OR8D1: variants seen among roughly 807,000 people sequenced by gnomAD.
The protein encoded by OR8D1 is olfactory receptor family 8 subfamily D member 1, also known as olfactory receptor 8D1.
For synonymous variants in OR8D1, 143 were observed against 147.0 expected (o/e 0.97, Z 0.20); for missense variants, 384 against 366.8 (o/e 1.05, Z -0.38).
chr11:124,306,848 G>A lies in OR8D1; in HGVS notation c.*2992C>T, dbSNP rs924837024. 3 of 151,880 alleles carry A rather than the reference G, an allele frequency of 2.0e-5. No homozygotes were observed. The highest frequency in any genetic ancestry group is 7.3e-5 in the African/African-American group (3 of 41,324). The allele number at this position is 151,880 out of a possible 1,614,324, so 9.4% of individuals were successfully genotyped here. A position where few individuals can be genotyped will look rare whatever the true frequency, so the allele number is the denominator to read the frequency against. ...GAACACCTATTACTCTAATACTCCC[G>A]CCTCTGTTTCACACCTTTACTCACT... On this transcript the variant is annotated 3_prime_UTR_variant, in exon 3 of 3. Transcript: ENST00000641015.
intron 2 of OR8D1, 154 bp from the exon 3 acceptor site, chr11:124,310,936 A>AG (rs1421156865): frequency 1.8e-6 from 1 of 555,544 alleles, no homozygotes; most frequent in East Asian, 2.8e-5. Context: ...GTCTCCCTAA[A>AG]GTTCCCTGGG....
Position 124,310,369 on chromosome 11 carries a change from T to A in OR8D1, c.398A>T (p.Asn133Ile). 1.2e-6 allele frequency: 2 copies of A among 1,613,582 alleles called. No homozygotes were observed. The highest frequency in any genetic ancestry group is 1.7e-6 in the Non-Finnish European group (2 of 1,179,874). The change falls in exon 3 of 3, where the codon AAT (asparagine) becomes ATT (isoleucine). Residue 133 changes from asparagine to isoleucine, a missense_variant. Transcript: ENST00000641015. Reference sequence around the variant, plus strand: ...GCAGACCCATGAGGACATGATCGCATTATAAAGCAGTGGGCTACAGATGGC... The same window carrying A: ...GCAGACCCATGAGGACATGATCGCAATATAAAGCAGTGGGCTACAGATGGC... The part of the protein sequence containing the change: ...YVAICSPLLY[N>I]AIMSSWVCSL...
At position 124,310,541 on chromosome 11, in the gene OR8D1, CAG is replaced by C. The variant is rs1171023382; in HGVS notation, c.224_225del (p.Ser75CysfsTer21). On this transcript the variant is annotated frameshift_variant, in exon 3 of 3. Coordinates refer to ENST00000641015, the MANE Select transcript of OR8D1 (RefSeq NM_001002917.2). LOFTEE classifies it low-confidence loss of function (END_TRUNC). ...TTCACCAGCATTTTGGGAGTAATGA[CAG>C]AGGAATAGCAGAAATCGACGAAGGA... is the stretch of plus-strand genomic sequence containing the variant. ...SLSFVDFCYSSVITPKMLVNF... is the reference protein window; with the variant it reads ...SLSFVDFCYSXVITPKMLVNF... 6.2e-7 allele frequency: 1 copy of C among 1,613,624 alleles called. No homozygotes were observed. The highest frequency in any genetic ancestry group is 1.3e-5 in the African/African-American group (1 of 74,870).
chr11:124,309,539 T>C lies in OR8D1; in HGVS notation c.*301A>G, dbSNP rs1862398346. The C allele has an allele frequency of 5.8e-6, 1 of 171,670 alleles. No homozygotes were observed. 10.6% of individuals were successfully genotyped at this position (171,670 alleles called of 1,614,324 possible). A position where few individuals can be genotyped will look rare whatever the true frequency, so the allele number is the denominator to read the frequency against. On this transcript the variant is annotated 3_prime_UTR_variant, in exon 3 of 3. Coordinates refer to ENST00000641015, the MANE Select transcript of OR8D1 (RefSeq NM_001002917.2). Reference sequence around the variant, plus strand: ...TATTCAACAAGCAAACATGGGATATTAGGAAGAGAGGACTAACATTGGAGA... The same window carrying C: ...TATTCAACAAGCAAACATGGGATATCAGGAAGAGAGGACTAACATTGGAGA...
chr11:124,310,341 T>TG lies in OR8D1; in HGVS notation c.425dup (p.Leu143ThrfsTer38), dbSNP rs756025864. 6.2e-7 allele frequency: 1 copy of TG among 1,613,494 alleles called. No individual in the cohort carries two copies. Among genetic ancestry groups the TG allele is most frequent in the African/African-American group, 1.3e-5 (1 of 74,842 alleles). On this transcript the variant is annotated frameshift_variant, in exon 3 of 3. Coordinates refer to ENST00000641015, the MANE Select transcript of OR8D1 (RefSeq NM_001002917.2). LOFTEE classifies it low-confidence loss of function (END_TRUNC). ...AGAAGAAGGCAGCCAGCACTAGCAG[T>TG]GAGCAGACCCATGAGGACATGATCG...
rs1862393331 is a variant in OR8D1 at position 124,309,184 on chromosome 11, A to G, written c.*656T>C. On this transcript the variant is annotated 3_prime_UTR_variant, in exon 3 of 3. Transcript: ENST00000641015. ...CCCTTAGTGTAGAACTGTGGTGTTAAAGTAGATATACAAATACAAAAAAAA... is the reference window on the plus strand; with the variant it reads ...CCCTTAGTGTAGAACTGTGGTGTTAGAGTAGATATACAAATACAAAAAAAA... The G allele has an allele frequency of 6.6e-6, 1 of 151,410 alleles. No individual in the cohort carries two copies. The highest frequency in any genetic ancestry group is 2.1e-4 in the South Asian group (1 of 4,786). 9.4% of individuals were successfully genotyped at this position (151,410 alleles called of 1,614,324 possible).
In OR8D1 at chr11:124,310,691, G is replaced by A; in HGVS notation, c.76C>T (p.Pro26Ser). ...ATTCCCAGGAACAGGAGGAAGAGGGGCAGCTGGAGCTCTGCTTGCTGTGTT... is the reference window on the plus strand; with the variant it reads ...ATTCCCAGGAACAGGAGGAAGAGGGACAGCTGGAGCTCTGCTTGCTGTGTT... ...GLTQQAELQL[P>S]LFLLFLGIYV... The change falls in exon 3 of 3, where the codon CCC becomes TCC. Residue 26 changes from proline (P) to serine (S), a missense_variant. Pro to Ser is a moderately conservative substitution (Grantham distance 74, BLOSUM62 -1). Coordinates refer to ENST00000641015, the MANE Select transcript of OR8D1 (RefSeq NM_001002917.2). The A allele has an allele frequency of 1.9e-6, 3 of 1,613,892 alleles. No homozygotes were observed. Among genetic ancestry groups the A allele is most frequent in the Non-Finnish European group, 1.7e-6 (2 of 1,179,842 alleles).
At chr11:124,312,645 G>A (rs1416243452) in intron 1 of OR8D1, among the ~76,000 whole-genome samples, 1 of 151,122 alleles carries the variant, frequency 6.6e-6, no homozygotes, top group Non-Finnish European at 1.5e-5. Context: ...AGCCTCCTGA[G>A]TAGGTGGGAT....
rs1372394335 is a variant in OR8D1, at chr11:124,304,483, A to T, written c.*5357T>A. ...GATTTTTTTGCTATTATGAATAAAG[A>T]TTTAATAGACATTCTAGTATATTTT... On this transcript the variant is annotated 3_prime_UTR_variant, in exon 3 of 3. Transcript: ENST00000641015. 6.6e-6 allele frequency: 1 copy of T among 151,964 alleles called. No homozygotes were observed. The highest frequency in any genetic ancestry group is 2.4e-5 in the African/African-American group (1 of 41,434). 9.4% of individuals were successfully genotyped at this position (151,964 alleles called of 1,614,324 possible).
chr11:124,306,792 C>T lies in OR8D1; in HGVS notation c.*3048G>A, dbSNP rs577933876. ...TATGTAGGAAGAATGAGACACCTCT[C>T]CTGGCTTCTGATGTTCCCATCCCTG... On this transcript the variant is annotated 3_prime_UTR_variant, in exon 3 of 3. Coordinates refer to ENST00000641015, the MANE Select transcript of OR8D1 (RefSeq NM_001002917.2). The T allele has an allele frequency of 8.5e-5, 13 of 152,074 alleles. No homozygotes were observed. The highest frequency in any genetic ancestry group is 3.1e-4 in the African/African-American group (13 of 41,514). 9.4% of individuals were successfully genotyped at this position (152,074 alleles called of 1,614,324 possible).
At position 124,309,556 on chromosome 11, in the gene OR8D1, C is replaced by T. The variant is rs976085883; in HGVS notation, c.*284G>A. ...TGGGATATTAGGAAGAGAGGACTAA[C>T]ATTGGAGAAAATCTGAATTCTCATG... On this transcript the variant is annotated 3_prime_UTR_variant, in exon 3 of 3. Transcript: ENST00000641015. 1 of 183,048 alleles carries T rather than the reference C, an allele frequency of 5.5e-6. No homozygotes were observed. Among genetic ancestry groups the T allele is most frequent in the Non-Finnish European group, 1.1e-5 (1 of 88,446 alleles). 11.3% of individuals were successfully genotyped at this position (183,048 alleles called of 1,614,324 possible).
rs1297151260 is a variant in OR8D1, at chr11:124,305,257, G to T, written c.*4583C>A. ...GAAAATGTCAAGGCAAGTTGATAGTGCTATGATGCATGCAAATCATGGTGA... is the reference window on the plus strand; with the variant it reads ...GAAAATGTCAAGGCAAGTTGATAGTTCTATGATGCATGCAAATCATGGTGA... On this transcript the variant is annotated 3_prime_UTR_variant, in exon 3 of 3. Transcript: ENST00000641015. 1 of 151,936 alleles carries T rather than the reference G, an allele frequency of 6.6e-6. No individual in the cohort carries two copies. The highest frequency in any genetic ancestry group is 1.5e-5 in the Non-Finnish European group (1 of 67,894). The allele number at this position is 151,936 out of a possible 1,614,324, so 9.4% of individuals were successfully genotyped here.
rs965338687 is a variant in OR8D1, at chr11:124,303,186, T to C, written c.*6654A>G. Reference sequence around the variant, plus strand: ...GAAGGGAACGCAGGCACATCTCACATGGCGGGAGGTGTGAGACAGAGCAGG... The same window carrying C: ...GAAGGGAACGCAGGCACATCTCACACGGCGGGAGGTGTGAGACAGAGCAGG... On this transcript the variant is annotated 3_prime_UTR_variant, in exon 3 of 3. Transcript: ENST00000641015. The C allele has an allele frequency of 6.6e-6, 1 of 152,176 alleles. No homozygotes were observed. Among genetic ancestry groups the C allele is most frequent in the Non-Finnish European group, 1.5e-5 (1 of 68,072 alleles). The allele number at this position is 152,176 out of a possible 1,614,324, so 9.4% of individuals were successfully genotyped here.
rs1308252945 is a variant in OR8D1, at chr11:124,309,395, G to A, written c.*445C>T. The A allele has an allele frequency of 6.9e-6, 1 of 144,740 alleles. No individual in the cohort carries two copies. Among genetic ancestry groups the A allele is most frequent in the Non-Finnish European group, 1.5e-5 (1 of 65,522 alleles). 9.0% of individuals were successfully genotyped at this position (144,740 alleles called of 1,614,324 possible). The stretch of plus-strand genomic sequence containing the variant: ...TCTTTTCTTTTTTCTTTTCTTTTCT[G>A]TTCTTTTCCCTTGTGTATTTGTCTA... On this transcript the variant is annotated 3_prime_UTR_variant, in exon 3 of 3. Coordinates refer to ENST00000641015, the MANE Select transcript of OR8D1 (RefSeq NM_001002917.2).
rs1335197014 is a variant in OR8D1, at chr11:124,310,603, A to C, written c.164T>G (p.Leu55Arg). The change falls in exon 3 of 3, where the codon CTT becomes CGT. Residue 55 changes from leucine (L) to arginine (R), a missense_variant. Physicochemically the swap from Leu to Arg is moderately radical, Grantham distance 102 (BLOSUM62 -2). Coordinates refer to ENST00000641015, the MANE Select transcript of OR8D1 (RefSeq NM_001002917.2). ...MILLIAVSPL[L>R]HTPMYYFLSS... The stretch of plus-strand genomic sequence containing the variant: ...GAGGAAATAGTACATGGGGGTGTGA[A>C]GTAGAGGGCTGACTGCAATCAGGAG... 6.2e-7 allele frequency: 1 copy of C among 1,613,824 alleles called. No individual in the cohort carries two copies. Among genetic ancestry groups the C allele is most frequent in the Non-Finnish European group, 8.5e-7 (1 of 1,179,930 alleles).
At chr11:124,312,556 C>T (rs559632939) in intron 1 of OR8D1, among the ~76,000 whole-genome samples, 18 of 142,312 alleles carry the variant, frequency 1.3e-4, no homozygotes, top group Non-Finnish European at 2.3e-4. Flanking sequence ...TTTGCTCTGT[C>T]GCCCAGGCTG....
Position 124,310,449 on chromosome 11 carries a change from G to T in OR8D1, c.318C>A (p.Val106=). Residue 106 remains valine, a synonymous_variant, in exon 3 of 3, where the codon GTC becomes GTA. Coordinates refer to ENST00000641015, the MANE Select transcript of OR8D1 (RefSeq NM_001002917.2). The part of the protein sequence containing the change: ...ECMVQLFFFV[V]FVVAEGYLLT... ...GGAGGTAACCCTCAGCCACCACAAA[G>T]ACCACAAAGAAAAAGAGCTGGACCA... 1.9e-6 allele frequency: 3 copies of T among 1,613,524 alleles called. No homozygotes were observed. The highest frequency in any genetic ancestry group is 2.5e-6 in the Non-Finnish European group (3 of 1,179,804).
Position 124,304,108 on chromosome 11 carries a change from GT to G in OR8D1, c.*5731del, listed in dbSNP as rs1357316330. 1 of 151,856 alleles carries G rather than the reference GT, an allele frequency of 6.6e-6. No individual in the cohort carries two copies. The highest frequency in any genetic ancestry group is 1.5e-5 in the Non-Finnish European group (1 of 67,892). 9.4% of individuals were successfully genotyped at this position (151,856 alleles called of 1,614,324 possible). On this transcript the variant is annotated 3_prime_UTR_variant, in exon 3 of 3. Transcript: ENST00000641015. ...TGAACTCTAAACTATTTGTTATCTG[GT>G]TTTTTAGAGAAAACATGTCAGTCTC...
Position 124,304,564 on chromosome 11 carries a change from A to G in OR8D1, c.*5276T>C, listed in dbSNP as rs182155797. The G allele has an allele frequency of 1.1e-4, 16 of 152,048 alleles. No individual in the cohort carries two copies. Among genetic ancestry groups the G allele is most frequent in the Admixed American group, 3.3e-4 (5 of 15,244 alleles). 9.4% of individuals were successfully genotyped at this position (152,048 alleles called of 1,614,324 possible). A position where few individuals can be genotyped will look rare whatever the true frequency, so the allele number is the denominator to read the frequency against. Reference sequence around the variant, plus strand: ...CAACATGTAAAATTTGAGAGATGCCATTTCTCTGAATCCTCTCCAATACTG... The same window carrying G: ...CAACATGTAAAATTTGAGAGATGCCGTTTCTCTGAATCCTCTCCAATACTG... On this transcript the variant is annotated 3_prime_UTR_variant, in exon 3 of 3. Transcript: ENST00000641015.
Sources: gnomAD v4.1 joint callset for allele counts (sites outside exome capture counted in the v4.1 genomes callset) on GRCh38, gnomAD v4.1.1 for gene constraint, MANE v1.5 for transcripts, NCBI Gene and HGNC (gene_info 2026-07-23, HGNC 2026-07-21) for gene names.